Variants in LMOD3 observed in about 807,000 individuals in gnomAD.
LMOD3 encodes leiomodin 3.
LMOD3 carries 31 observed loss-of-function variants against 41.8 expected under a neutral mutation model. The ratio of observed to expected loss-of-function variants is 0.74; its 90% CI spans 0.56 to 1.00. LMOD3 has a LOEUF of 1.00. Ranked by LOEUF, LMOD3 falls within the 50% of genes least tolerant of loss-of-function variation. LMOD3 has a pLI of 0.00. For missense variants in LMOD3, 755 were observed against 679.5 expected (o/e 1.11, Z -1.23); for synonymous variants, 292 against 241.9 (o/e 1.21, Z -1.92).
At chr3:69,122,025 T>G in intron 1 of LMOD3, 68 bp downstream of exon 1, 1 of 1,314,846 alleles carries the variant, frequency 7.6e-7, no homozygotes, top group African/African-American at 1.5e-5. Context: ...AAATCACAGT[T>G]ACAACAGAGA....
At position 69,118,773 on chromosome 3, in the gene LMOD3, G is replaced by A. The variant is rs774100251; in HGVS notation, c.1582C>T (p.Pro528Ser). 1 of 1,611,848 alleles carries A rather than the reference G, an allele frequency of 6.2e-7. No homozygotes were observed. Among genetic ancestry groups the A allele is most frequent in the Non-Finnish European group, 8.5e-7 (1 of 1,179,478 alleles). Residue 528 changes from proline (P) to serine (S), a missense_variant, in exon 2 of 3, where the codon CCA (proline) becomes TCA (serine). Coordinates refer to ENST00000420581, the MANE Select transcript of LMOD3 (RefSeq NM_198271.5). ...TCTCTGGGAGTGATTTCCACCAATGGGGGTGGCCTGTTTCTCGGCACTGGC... is the reference window on the plus strand; with the variant it reads ...TCTCTGGGAGTGATTTCCACCAATGAGGGTGGCCTGTTTCTCGGCACTGGC... ...LKPVPRNRPPPLVEITPRDQL... is the reference protein window; with the variant it reads ...LKPVPRNRPPSLVEITPRDQL...
chr3:69,116,050 C>T (rs547307566), intron 2 of LMOD3, among the ~76,000 whole-genome samples: 3 of 152,276 alleles, frequency 2.0e-5, no homozygotes, highest in South Asian at 2.1e-4. Flanking sequence ...ATTCTTTGTA[C>T]TACTTTTGAC....
chr3:69,118,030 C>T (rs2092384598), intron 2 of LMOD3, among the ~76,000 whole-genome samples: 1 of 152,156 alleles, frequency 6.6e-6, no homozygotes, highest in African/African-American at 2.4e-5. Flanking sequence ...TGGGGTTTCA[C>T]CATGTTGGCC....
At position 69,119,587 on chromosome 3, in the gene LMOD3, C is replaced by T. The variant is rs1352614119; in HGVS notation, c.768G>A (p.Lys256=). 5 of 1,613,552 alleles carry T rather than the reference C, an allele frequency of 3.1e-6. No individual in the cohort carries two copies. The highest frequency in any genetic ancestry group is 1.3e-5 in the African/African-American group (1 of 74,886). ...TTTCAATGTTGTTCAGGTTGAGTTCCTTCATGTCAGGATCATTTTTCCTAA... is the reference window on the plus strand; with the variant it reads ...TTTCAATGTTGTTCAGGTTGAGTTCTTTCATGTCAGGATCATTTTTCCTAA... ...RRVRKNDPDM[K]ELNLNNIENI... is the part of the protein sequence containing the mutation. The change falls in exon 2 of 3, where the codon AAG becomes AAA. Residue 256 remains lysine, a synonymous_variant. Coordinates refer to ENST00000420581, the MANE Select transcript of LMOD3 (RefSeq NM_198271.5).
At position 69,106,862 on chromosome 3, in the gene LMOD3, T is replaced by TTC. The variant is rs1429618908; in HGVS notation, c.*2232_*2233insGA. The TTC allele has an allele frequency of 8.2e-6, 1 of 122,298 alleles. No individual in the cohort carries two copies. The highest frequency in any genetic ancestry group is 4.3e-5 in the African/African-American group (1 of 23,244). The allele number at this position is 122,298 out of a possible 1,614,324, so 7.6% of individuals were successfully genotyped here. A position where few individuals can be genotyped will look rare whatever the true frequency, so the allele number is the denominator to read the frequency against. On this transcript the variant is annotated 3_prime_UTR_variant, in exon 3 of 3. Coordinates refer to ENST00000420581, the MANE Select transcript of LMOD3 (RefSeq NM_198271.5). ...CTACCATGCCTGGCTAATTTTGTAT[T>TTC]TTTTTTTTTTTTTTTTTTTTTTTTT...
rs1190777851 is a variant in LMOD3 at position 69,106,860 on chromosome 3, ATTTTTTTTTTT to A, written c.*2224_*2234del. Reference sequence around the variant, plus strand: ...AGCTACCATGCCTGGCTAATTTTGTATTTTTTTTTTTTTTTTTTTTTTTTTTTAGTAGAAAT... The same window carrying A: ...AGCTACCATGCCTGGCTAATTTTGTATTTTTTTTTTTTTTTTAGTAGAAAT... On this transcript the variant is annotated 3_prime_UTR_variant, in exon 3 of 3. Transcript: ENST00000420581. 20 of 50,714 alleles carry A rather than the reference ATTTTTTTTTTT, an allele frequency of 3.9e-4. No homozygotes were observed. The East Asian group carries it at 4.5e-3, about 11-fold the overall frequency. 3.1% of individuals were successfully genotyped at this position (50,714 alleles called of 1,614,324 possible). A position where few individuals can be genotyped will look rare whatever the true frequency, so the allele number is the denominator to read the frequency against.
rs1206949403 is a variant in LMOD3 at position 69,119,703 on chromosome 3, G to T, written c.652C>A (p.Pro218Thr). 1 of 1,613,760 alleles carries T rather than the reference G, an allele frequency of 6.2e-7. No homozygotes were observed. The highest frequency in any genetic ancestry group is 1.3e-5 in the African/African-American group (1 of 74,872). Reference sequence around the variant, plus strand: ...CTGGTGTCTAGAGCTAACTTCTTAGGATCTAATTTCGATATTTTTTTCTCA... The same window carrying T: ...CTGGTGTCTAGAGCTAACTTCTTAGTATCTAATTTCGATATTTTTTTCTCA... ...QSEKKISKLD[P>T]KKLALDTSFL... Residue 218 changes from proline to threonine, a missense_variant, in exon 2 of 3, where the codon CCT (proline) becomes ACT (threonine). Physicochemically the swap from Pro to Thr is conservative, Grantham distance 38 (BLOSUM62 -1). Transcript: ENST00000420581.
rs1332897476 is a variant in LMOD3 at position 69,106,858 on chromosome 3, G to GTTTT, written c.*2236_*2237insAAAA. 2.5e-5 allele frequency: 2 copies of GTTTT among 81,080 alleles called. No individual in the cohort carries two copies. Among genetic ancestry groups the GTTTT allele is most frequent in the Admixed American group, 1.2e-4 (1 of 8,344 alleles). 5.0% of individuals were successfully genotyped at this position (81,080 alleles called of 1,614,324 possible). A position where few individuals can be genotyped will look rare whatever the true frequency, so the allele number is the denominator to read the frequency against. Reference sequence around the variant, plus strand: ...TGAGCTACCATGCCTGGCTAATTTTGTATTTTTTTTTTTTTTTTTTTTTTT... The same window carrying GTTTT: ...TGAGCTACCATGCCTGGCTAATTTTGTTTTTATTTTTTTTTTTTTTTTTTTTTTT... On this transcript the variant is annotated 3_prime_UTR_variant, in exon 3 of 3. Coordinates refer to ENST00000420581, the MANE Select transcript of LMOD3 (RefSeq NM_198271.5).
chr3:69,122,475 C>T lies in LMOD3; in HGVS notation c.-89G>A, dbSNP rs981080252. On this transcript the variant is annotated 5_prime_UTR_variant, in exon 1 of 3. Coordinates refer to ENST00000420581, the MANE Select transcript of LMOD3 (RefSeq NM_198271.5). The stretch of plus-strand genomic sequence containing the variant: ...GGAAAAAAGCCTCAAGAAGGTCCCC[C>T]AGTTAACGAGTGTCCCAAGTTAACA... The T allele has an allele frequency of 9.7e-6, 10 of 1,026,380 alleles. No homozygotes were observed. Among genetic ancestry groups the T allele is most frequent in the Admixed American group, 5.7e-5 (2 of 35,260 alleles). 63.6% of individuals were successfully genotyped at this position (1,026,380 alleles called of 1,614,324 possible).
intron 2 of LMOD3, among the ~76,000 whole-genome samples, chr3:69,113,553 G>A (rs776619535): frequency 2.0e-5 from 3 of 152,218 alleles, no homozygotes; most frequent in Admixed American, 6.5e-5. Context: ...GTCTTTTGAT[G>A]TACTAAGGCG....
chr3:69,117,482 T>C (rs916378529), intron 2 of LMOD3, among the ~76,000 whole-genome samples: 14 of 152,200 alleles, frequency 9.2e-5, no homozygotes, highest in African/African-American at 3.4e-4. Flanking sequence ...GATTTTAAAA[T>C]AATATAGTTA....
At chr3:69,115,724 A>C (rs1343995661) in intron 2 of LMOD3, among the ~76,000 whole-genome samples, 1 of 152,120 alleles carries the variant, frequency 6.6e-6, no homozygotes, top group African/African-American at 2.4e-5. Flanking sequence ...GTCTCACTTG[A>C]TTGGCTAAAA....
chr3:69,122,344 C>G lies in LMOD3; in HGVS notation c.43G>C (p.Asp15His), dbSNP rs762330680. The stretch of plus-strand genomic sequence containing the variant: ...ATTTCATCTTCATTAATCTCCTCAT[C>G]GAGAAGTTCTTCTTGATCTGAATTT... ...SRNSDQEELL[D>H]EEINEDEILA... The change falls in exon 1 of 3, where the codon GAT becomes CAT. Residue 15 changes from aspartate to histidine, a missense_variant. Asp to His is a moderately conservative substitution (Grantham distance 81, BLOSUM62 -1). Transcript: ENST00000420581. 2 of 1,612,222 alleles carry G rather than the reference C, an allele frequency of 1.2e-6. No individual in the cohort carries two copies. The highest frequency in any genetic ancestry group is 1.7e-6 in the Non-Finnish European group (2 of 1,178,860).
intron 2 of LMOD3, among the ~76,000 whole-genome samples, chr3:69,110,856 A>AAAAAAAAAAAAAAAAAAT (rs2092347036): frequency 8.4e-6 from 1 of 119,138 alleles, no homozygotes; most frequent in Non-Finnish European, 1.8e-5. Flanking sequence ...AAAAAAAAAT[A>AAAAAAAAAAAAAAAAAAT]TATATATATA....
chr3:69,118,154 A>G (rs17005369), intron 2 of LMOD3, among the ~76,000 whole-genome samples: 4,340 of 151,902 alleles, frequency 0.029, 203 homozygotes, highest in African/African-American at 0.099. Context: ...TTTATTCCTC[A>G]CTGTAGGTTC....
At position 69,118,727 on chromosome 3, in the gene LMOD3, C is replaced by A. The variant is rs199655993; in HGVS notation, c.1628G>T (p.Arg543Leu). ...TPRDQLLNDI[R>L]HSSVAYLKPV... ...TTTAAGATAGGCGACACTGCTGTGA[C>A]GAATGTCGTTTAGCAGCTGATCTCT... is the stretch of plus-strand genomic sequence containing the variant. Residue 543 changes from arginine (R) to leucine (L), a missense_variant, in exon 2 of 3, where the codon CGT becomes CTT. Coordinates refer to ENST00000420581, the MANE Select transcript of LMOD3 (RefSeq NM_198271.5). 1 of 1,612,670 alleles carries A rather than the reference C, an allele frequency of 6.2e-7. No individual in the cohort carries two copies. Among genetic ancestry groups the A allele is most frequent in the African/African-American group, 1.3e-5 (1 of 74,696 alleles).
At chr3:69,120,283 T>G (rs1438485803) in intron 1 of LMOD3, among the ~76,000 whole-genome samples, 1 of 152,164 alleles carries the variant, frequency 6.6e-6, no homozygotes, top group Non-Finnish European at 1.5e-5. Flanking sequence ...TTCTGTACTT[T>G]TTAATGGTGT....
chr3:69,116,414 T>C (rs879363731), intron 2 of LMOD3, among the ~76,000 whole-genome samples: 8 of 152,226 alleles, frequency 5.3e-5, no homozygotes, highest in Non-Finnish European at 1.2e-4. Context: ...CCGAGGGTGA[T>C]ATGCAAGATT....
chr3:69,117,778 T>C (rs2092382376), intron 2 of LMOD3, among the ~76,000 whole-genome samples: 1 of 152,084 alleles, frequency 6.6e-6, no homozygotes, highest in Non-Finnish European at 1.5e-5. Context: ...AAGAACTGTT[T>C]CTATGCATTT....
Sources: gnomAD v4.1 joint callset for allele counts (sites outside exome capture counted in the v4.1 genomes callset) on GRCh38, gnomAD v4.1.1 for gene constraint, MANE v1.5 for transcripts, NCBI Gene and HGNC (gene_info 2026-07-23, HGNC 2026-07-21) for gene names.